Variants in WNT7A observed in about 807,000 individuals in gnomAD.
The protein encoded by WNT7A is Wnt family member 7A, also known as protein Wnt-7a.
In WNT7A, 16 loss-of-function variants were observed where a neutral mutation model predicts 28.2. The observed-to-expected ratio is 0.57, with a 90% CI of 0.38 to 0.86. The LOEUF is 0.86. Among genes scored for constraint, WNT7A ranks in the 40% least tolerant of loss-of-function variants. WNT7A has a pLI of 0.00. For missense variants in WNT7A, 411 were observed against 489.7 expected (o/e 0.84, Z 1.52); for synonymous variants, 190 against 195.9 (o/e 0.97, Z 0.25).
At chr3:13,876,625 G>A (rs1348689834) in intron 1 of WNT7A, among the ~76,000 whole-genome samples, 1 of 152,128 alleles carries the variant, frequency 6.6e-6, no homozygotes, top group African/African-American at 2.4e-5. Context: ...AATAACTCAA[G>A]GAGGTGACAT....
chr3:13,853,758 G>T (rs946447417), intron 3 of WNT7A, among the ~76,000 whole-genome samples: 19 of 152,208 alleles, frequency 1.2e-4, no homozygotes, highest in Non-Finnish European at 2.8e-4. Context: ...CTGACTTGCT[G>T]CGGGCCACGT....
At chr3:13,860,255 GA>G (rs1359330463) in intron 2 of WNT7A, among the ~76,000 whole-genome samples, 1 of 152,110 alleles carries the variant, frequency 6.6e-6, no homozygotes, top group Non-Finnish European at 1.5e-5. Context: ...CACCCAGCTA[GA>G]AACTGGCCAG....
intron 3 of WNT7A, among the ~76,000 whole-genome samples, chr3:13,835,116 C>T (rs1042950416): frequency 4.6e-5 from 7 of 152,090 alleles, no homozygotes; most frequent in Admixed American, 3.9e-4. Flanking sequence ...AGGCCGAGGG[C>T]AGAAGGAAGC....
At chr3:13,855,337 A>T (rs1328243092) in intron 2 of WNT7A, among the ~76,000 whole-genome samples, 1 of 150,260 alleles carries the variant, frequency 6.7e-6, no homozygotes, top group African/African-American at 2.5e-5. Context: ...AAATGGGGAC[A>T]TATCATTGGT....
Position 13,854,231 on chromosome 3 carries a change from A to G in WNT7A, c.570+301T>C, listed in dbSNP as rs146354084. Among the ~76,000 whole-genome samples, 256 of 152,244 alleles carry G rather than the reference A, an allele frequency of 1.7e-3. 1 individual carries two copies. Among genetic ancestry groups the G allele is most frequent in the African/African-American group, 5.8e-3 (240 of 41,546 alleles). ...GAGAGAGGCAGGAAGGGAGCAAGGG[A>G]GAAAGGCTAATTTGGTCCCTCCCAA... On this transcript the variant is annotated intron_variant, in intron 3 of 3. Coordinates refer to ENST00000285018, the MANE Select transcript of WNT7A (RefSeq NM_004625.4).
At chr3:13,868,800 G>T (rs1694971821) in intron 2 of WNT7A, among the ~76,000 whole-genome samples, 1 of 59,524 alleles carries the variant, frequency 1.7e-5, no homozygotes. Context: ...AAGGGAGAGA[G>T]AGAGAAAGAA....
rs543001562 is a variant in WNT7A, at chr3:13,818,007, A to G, written c.*937T>C. On this transcript the variant is annotated 3_prime_UTR_variant, in exon 4 of 4. Transcript: ENST00000285018. ...AGAATCCAGCTGTGCAAGGGGCCCC[A>G]TGGGGCCTGACGCCACAACCAGGCA... 2 of 152,328 alleles carry G rather than the reference A, an allele frequency of 1.3e-5. No individual in the cohort carries two copies. Among genetic ancestry groups the G allele is most frequent in the African/African-American group, 4.8e-5 (2 of 41,578 alleles). 9.4% of individuals were successfully genotyped at this position (152,328 alleles called of 1,614,324 possible).
Position 13,818,961 on chromosome 3 carries a change from T to A in WNT7A, c.1033A>T (p.Met345Leu). The change falls in exon 4 of 4, where the codon ATG becomes TTG. Residue 345 changes from methionine (M) to leucine (L), a missense_variant. Transcript: ENST00000285018. Reference sequence around the variant, plus strand: ...CACGGGGCTCACTTGCACGTGTACATCTCCGTGCGCTCGCTGCACGTGTTG... The same window carrying A: ...CACGGGGCTCACTTGCACGTGTACAACTCCGTGCGCTCGCTGCACGTGTTG... ...KCNTCSERTE[M>L]YTCK 6.3e-7 allele frequency: 1 copy of A among 1,583,494 alleles called. No individual in the cohort carries two copies.
Position 13,836,201 on chromosome 3 carries a change from A to T in WNT7A, c.571-16778T>A, listed in dbSNP as rs1158379347. Among the ~76,000 whole-genome samples, 476 of 98,278 alleles carry T rather than the reference A, an allele frequency of 4.8e-3. 1 individual carries two copies. The highest frequency in any genetic ancestry group is 0.022 in the East Asian group (65 of 2,986). The allele number at this position is 98,278 out of a possible 152,430, so 64.5% of individuals were successfully genotyped here. ...TTATATCTCAGTAAAGCTGGTTTTT[A>T]AAAAAAAAAAAAAAAAAAAGACAAG... On this transcript the variant is annotated intron_variant, in intron 3 of 3. Coordinates refer to ENST00000285018, the MANE Select transcript of WNT7A (RefSeq NM_004625.4).
chr3:13,835,130 G>A (rs754083157), intron 3 of WNT7A, among the ~76,000 whole-genome samples: 17 of 152,314 alleles, frequency 1.1e-4, no homozygotes, highest in Admixed American at 6.5e-5. Flanking sequence ...AGGAAGCAGG[G>A]AGCAGTCAGG....
chr3:13,852,385 C>T (rs903209196), intron 3 of WNT7A, among the ~76,000 whole-genome samples: 1 of 152,198 alleles, frequency 6.6e-6, no homozygotes, highest in Non-Finnish European at 1.5e-5. Context: ...TTGCTCCTGT[C>T]GGTTTCCCAG....
At chr3:13,856,884 G>GAAA (rs1559303148) in intron 2 of WNT7A, among the ~76,000 whole-genome samples, 4 of 71,834 alleles carry the variant, frequency 5.6e-5, no homozygotes, top group Admixed American at 4.4e-4. Context: ...AGAAGAGGAA[G>GAAA]AAGAAGAAAA....
chr3:13,824,521 C>T (rs1167017685), intron 3 of WNT7A, among the ~76,000 whole-genome samples: 1 of 152,232 alleles, frequency 6.6e-6, no homozygotes, highest in Non-Finnish European at 1.5e-5. Flanking sequence ...ACAGTGGTCT[C>T]TTTCTAAACT....
Position 13,851,155 on chromosome 3 carries a change from C to T in WNT7A, c.570+3377G>A, listed in dbSNP as rs574157349. Among the ~76,000 whole-genome samples, 4 of 152,338 alleles carry T rather than the reference C, an allele frequency of 2.6e-5. No homozygotes were observed. The South Asian group carries it at 6.2e-4, about 24-fold the overall frequency. On this transcript the variant is annotated intron_variant, in intron 3 of 3. Transcript: ENST00000285018. Reference sequence around the variant, plus strand: ...GCTCCTGCTGGGTTTAGGCACCAACCGTGGCCACAGCCCCTTCACTCTGTA... The same window carrying T: ...GCTCCTGCTGGGTTTAGGCACCAACTGTGGCCACAGCCCCTTCACTCTGTA...
rs535041282 is a variant in WNT7A at position 13,875,780 on chromosome 3, G to A, written c.72-607C>T. 176 of 159,256 alleles carry A rather than the reference G, an allele frequency of 1.1e-3. 3 individuals are homozygous for A. The highest frequency in any genetic ancestry group is 0.011 in the South Asian group (59 of 5,466). 9.9% of individuals were successfully genotyped at this position (159,256 alleles called of 1,614,324 possible). ...TGGCATTTTCTTCCTGCTGTCAATGGAGTACATGTATCCCACTCCGGGCAT... is the reference window on the plus strand; with the variant it reads ...TGGCATTTTCTTCCTGCTGTCAATGAAGTACATGTATCCCACTCCGGGCAT... On this transcript the variant is annotated intron_variant, in intron 1 of 3. Coordinates refer to ENST00000285018, the MANE Select transcript of WNT7A (RefSeq NM_004625.4).
intron 3 of WNT7A, 99 bp from the exon 4 acceptor site, chr3:13,819,522 A>G: frequency 7.4e-7 from 1 of 1,360,206 alleles, no homozygotes; most frequent in East Asian, 2.7e-5. Flanking sequence ...TGCCCCACCT[A>G]TCTGGGTCTG....
intron 3 of WNT7A, among the ~76,000 whole-genome samples, chr3:13,845,270 C>G (rs1396992460): frequency 4.6e-5 from 7 of 152,128 alleles, no homozygotes; most frequent in African/African-American, 1.4e-4. Context: ...TAGTAGTCAA[C>G]GTCTCAGCCC....
At chr3:13,869,872 G>T (rs1695004873) in intron 2 of WNT7A, among the ~76,000 whole-genome samples, 1 of 152,174 alleles carries the variant, frequency 6.6e-6, no homozygotes, top group Non-Finnish European at 1.5e-5. Flanking sequence ...TTGACAGCTA[G>T]CCTGCCATCT....
At chr3:13,876,791 C>T (rs1695117479) in intron 1 of WNT7A, among the ~76,000 whole-genome samples, 1 of 152,150 alleles carries the variant, frequency 6.6e-6, no homozygotes, top group South Asian at 2.1e-4. Context: ...TGGCTTCTTG[C>T]CATTATTCAC....
Sources: gnomAD v4.1 joint callset for allele counts (sites outside exome capture counted in the v4.1 genomes callset) on GRCh38, gnomAD v4.1.1 for gene constraint, MANE v1.5 for transcripts, NCBI Gene and HGNC (gene_info 2026-07-23, HGNC 2026-07-21) for gene names.